Variants in DOCK7 observed in about 807,000 individuals in gnomAD.
DOCK7 encodes dedicator of cytokinesis protein 7.
Under a neutral mutation model 271.0 loss-of-function variants are expected in DOCK7, and 138 were observed. That is an observed-to-expected ratio of 0.51 (90% confidence interval 0.44 to 0.59). DOCK7 has a LOEUF of 0.59. Among genes scored for constraint, DOCK7 ranks in the 20% least tolerant of loss-of-function variants. The probability of loss-of-function intolerance (pLI) is 0.00; values close to 1 mark genes in which losing one functional copy is unlikely to be tolerated. For missense variants in DOCK7, 2,066 were observed against 2,592.4 expected, an observed-to-expected ratio of 0.80 and a Z score of 4.41; for synonymous variants, 823 against 876.1, an observed-to-expected ratio of 0.94 and a Z score of 1.07.
chr1:62,636,599 C>A lies in DOCK7; in HGVS notation c.823G>T (p.Glu275Ter). The A allele has an allele frequency of 6.3e-7, 1 of 1,595,266 alleles. No homozygotes were observed. Among genetic ancestry groups the A allele is most frequent in the South Asian group, 1.1e-5 (1 of 88,022 alleles). ...GCAAAAATGGGTTCAATTTCAATTT[C>A]AAACCTTTATGAAGAAAAAGGATAA... ...LLVKCLSLKF[E>*]IEIEPIFASL... Residue 275 changes from glutamate to a stop codon, truncating the protein, a stop_gained, in exon 8 of 50, where the codon GAA (glutamate) becomes TAA (stop). Coordinates refer to ENST00000635253, the MANE Select transcript of DOCK7 (RefSeq NM_001367561.1). LOFTEE classifies it high-confidence loss of function.
intron 14 of DOCK7, among the ~76,000 whole-genome samples, chr1:62,610,458 A>C (rs1002251660): frequency 5.3e-5 from 8 of 151,748 alleles, no homozygotes; most frequent in African/African-American, 1.9e-4. Context: ...AGAAACATAC[A>C]TTTACTATTA....
intron 8 of DOCK7, 139 bp downstream of exon 8, chr1:62,636,398 C>T: frequency 3.1e-6 from 2 of 640,768 alleles, no homozygotes; most frequent in South Asian, 2.1e-5. Context: ...TTAACTAGTC[C>T]TAATAAGTTA....
intron 14 of DOCK7, among the ~76,000 whole-genome samples, chr1:62,613,240 G>C (rs1398982628): frequency 6.6e-6 from 1 of 152,068 alleles, no homozygotes; most frequent in Admixed American, 6.6e-5. Context: ...CCTTGATAAA[G>C]CAAGAATTTG....
intron 37 of DOCK7, among the ~76,000 whole-genome samples, chr1:62,498,141 G>A (rs1189975965): frequency 6.6e-6 from 1 of 151,822 alleles, no homozygotes; most frequent in African/African-American, 2.4e-5. Context: ...CTACTTGGGA[G>A]GCTGAGTGGA....
At chr1:62,597,855 A>G (rs1649509199) in intron 14 of DOCK7, 1 of 1,603,866 alleles carries the variant, frequency 6.2e-7, no homozygotes, top group Admixed American at 1.7e-5. Context: ...AGAAGAAGAA[A>G]AGGAACTGAG....
In DOCK7 at chr1:62,538,050, C is replaced by G; in HGVS notation, c.3312G>C (p.Lys1104Asn). The part of the protein sequence containing the change: ...IKSCYKQVSS[K>N]LYSLPNPSVL... ...CACTGGGATTCGGTAATGAGTAAAG[C>G]TTTGAAGACACCTTGTAAGCAATGC... Residue 1104 changes from lysine to asparagine, a missense_variant, in exon 28 of 50, where the codon AAG becomes AAC. Around this residue, in one of 2 missense-constraint regions of DOCK7, gnomAD observed 1,414 missense variants for 1,670.4 expected, o/e 0.85. Transcript: ENST00000635253. The G allele has an allele frequency of 6.2e-7, 1 of 1,613,546 alleles. No homozygotes were observed. Among genetic ancestry groups the G allele is most frequent in the Non-Finnish European group, 8.5e-7 (1 of 1,179,704 alleles).
intron 42 of DOCK7, 185 bp downstream of exon 42, chr1:62,488,749 A>C: frequency 1.4e-6 from 1 of 736,802 alleles, no homozygotes; most frequent in Non-Finnish European, 2.3e-6. Flanking sequence ...CATTTACTTT[A>C]GGTGAATTCA....
chr1:62,624,095 C>T (rs1365819831), intron 12 of DOCK7, among the ~76,000 whole-genome samples: 1 of 152,122 alleles, frequency 6.6e-6, no homozygotes, highest in Non-Finnish European at 1.5e-5. Context: ...AAATTTTCTC[C>T]CCATTCTTAT....
intron 37 of DOCK7, among the ~76,000 whole-genome samples, chr1:62,497,825 GAATT>G (rs2149305971): frequency 6.6e-6 from 1 of 152,278 alleles, no homozygotes; most frequent in Admixed American, 6.5e-5. Context: ...TAAAATTAAA[GAATT>G]CAACTCAGTA....
chr1:62,622,274 TG>T (rs1345839504), intron 12 of DOCK7, among the ~76,000 whole-genome samples: 1 of 152,218 alleles, frequency 6.6e-6, no homozygotes, highest in Non-Finnish European at 1.5e-5. Flanking sequence ...CCTAGTTCAC[TG>T]GAGTAGTCTA....
chr1:62,570,003 T>C (rs1646717362), intron 18 of DOCK7, among the ~76,000 whole-genome samples: 1 of 152,186 alleles, frequency 6.6e-6, no homozygotes, highest in South Asian at 2.1e-4. Context: ...CATGGGCCAC[T>C]GCGTCCAGCC....
intron 16 of DOCK7, among the ~76,000 whole-genome samples, chr1:62,582,549 C>CAAAAAAAA (rs34110232): frequency 5.9e-5 from 1 of 16,872 alleles, no homozygotes; most frequent in Non-Finnish European, 1.3e-4. Context: ...GACTCCGTCT[C>CAAAAAAAA]AAAAAAAAAA....
chr1:62,617,378 A>T (rs2149582600), intron 14 of DOCK7, among the ~76,000 whole-genome samples: 1 of 152,096 alleles, frequency 6.6e-6, no homozygotes, highest in Non-Finnish European at 1.5e-5. Context: ...CACAGGAATG[A>T]ATGATTTGAT....
intron 12 of DOCK7, 79 bp downstream of exon 12, chr1:62,625,180 G>A: frequency 2.1e-6 from 3 of 1,459,444 alleles, no homozygotes; most frequent in Non-Finnish European, 2.8e-6. Context: ...TACATGTATA[G>A]TACAATCACT....
At chr1:62,573,178 A>G (rs548318245) in intron 18 of DOCK7, among the ~76,000 whole-genome samples, 1 of 152,288 alleles carries the variant, frequency 6.6e-6, no homozygotes, top group South Asian at 2.1e-4. Flanking sequence ...CAATTTTAAT[A>G]AAGAAAAAGA....
At chr1:62,688,176 G>C in intron 1 of DOCK7, 51 bp downstream of exon 1, 1 of 1,346,932 alleles carries the variant, frequency 7.4e-7, no homozygotes, top group East Asian at 3.3e-5. Flanking sequence ...GGAGGACTCC[G>C]CGGCTCTTTC....
At chr1:62,656,508 T>C (rs554750734) in intron 2 of DOCK7, among the ~76,000 whole-genome samples, 18 of 152,044 alleles carry the variant, frequency 1.2e-4, no homozygotes, top group Non-Finnish European at 2.4e-4. Context: ...CATAAAAAAG[T>C]GCTCAAACAT....
At chr1:62,468,413 T>C (rs1645741801) in intron 48 of DOCK7, among the ~76,000 whole-genome samples, 1 of 144,208 alleles carries the variant, frequency 6.9e-6, no homozygotes, top group Admixed American at 6.9e-5. Context: ...GGGACATACC[T>C]CAATGTAATA....
intron 4 of DOCK7, among the ~76,000 whole-genome samples, chr1:62,650,105 TA>T (rs1291675021): frequency 6.6e-6 from 1 of 152,084 alleles, no homozygotes; most frequent in Non-Finnish European, 1.5e-5. Flanking sequence ...CCAAAATAAA[TA>T]ATAAAATAAA....
Sources: allele counts gnomAD v4.1 joint callset (sites outside exome capture counted in the v4.1 genomes callset), GRCh38; gene constraint gnomAD v4.1.1; regional missense constraint gnomAD v4.1.1; transcripts MANE v1.5; gene names NCBI Gene and HGNC (gene_info 2026-07-23, HGNC 2026-07-21).